Variants in CUX1 observed in about 807,000 individuals in gnomAD.
CUX1 encodes cut like homeobox 1, also known as protein CASP.
In CUX1, 31 loss-of-function variants were observed where a neutral mutation model predicts 158.8. That is an observed-to-expected ratio of 0.20 (90% CI 0.15 to 0.26). The LOEUF is 0.26. Among genes scored for constraint, CUX1 ranks in the 10% least tolerant of loss-of-function variants. CUX1 has a pLI of 1.00. For synonymous variants in CUX1, 879 were observed against 862.1 expected, an observed-to-expected ratio of 1.02 and a Z score of -0.34; for missense variants, 1,589 against 2,014.6, an observed-to-expected ratio of 0.79 and a Z score of 4.04.
chr7:101,840,665 A>G (rs1278794989), intron 1 of CUX1, among the ~76,000 whole-genome samples: 1 of 152,070 alleles, frequency 6.6e-6, no homozygotes, highest in Non-Finnish European at 1.5e-5. Context: ...ATTGGCCTAT[A>G]ATTTTCTTAT....
intron 3 of CUX1, among the ~76,000 whole-genome samples, chr7:102,050,736 T>A (rs937652747): frequency 6.6e-6 from 1 of 151,712 alleles, no homozygotes; most frequent in Non-Finnish European, 1.5e-5. Flanking sequence ...GGGCTCTCGC[T>A]CTGCTGCCCA....
At position 102,248,453 on chromosome 7, in the gene CUX1, C is replaced by T. The variant is rs1554537757; in HGVS notation, c.3929C>T (p.Ala1310Val). The T allele has an allele frequency of 6.3e-7, 1 of 1,599,336 alleles. No individual in the cohort carries two copies. The highest frequency in any genetic ancestry group is 1.7e-5 in the Admixed American group (1 of 59,414). ...RRELFIEEIQ[A>V]GSQGQAGASD... Reference sequence around the variant, plus strand: ...GAACTGTTCATTGAGGAAATTCAGGCCGGGAGTCAGGGCCAGGCGGGCGCC... The same window carrying T: ...GAACTGTTCATTGAGGAAATTCAGGTCGGGAGTCAGGGCCAGGCGGGCGCC... The change falls in exon 24 of 24, where the codon GCC becomes GTC. Residue 1310 changes from alanine (A) to valine (V), a missense_variant. By Grantham distance (64) the Ala-to-Val change is moderately conservative. This residue lies in a region of CUX1 where 344 missense variants were observed against 323.7 expected (regional missense o/e 1.06). Transcript: ENST00000292535. The surrounding 1 kb of genome is among the most constrained non-coding windows in gnomAD (Gnocchi z 5.8).
At chr7:102,178,957 C>G (rs1027647639) in intron 11 of CUX1, among the ~76,000 whole-genome samples, 7 of 152,216 alleles carry the variant, frequency 4.6e-5, no homozygotes, top group Non-Finnish European at 8.8e-5. Flanking sequence ...CTCCGCCTCC[C>G]AGGTTCAAGT....
chr7:101,825,353 A>C (rs1490794726), intron 1 of CUX1, among the ~76,000 whole-genome samples: 1 of 152,234 alleles, frequency 6.6e-6, no homozygotes, highest in Non-Finnish European at 1.5e-5. Flanking sequence ...ACAGTAACGC[A>C]TGCTGTCTCG....
chr7:102,173,233 G>A (rs947935459), intron 10 of CUX1, among the ~76,000 whole-genome samples: 4 of 152,244 alleles, frequency 2.6e-5, no homozygotes, highest in East Asian at 3.9e-4. Flanking sequence ...GATGGTGGGC[G>A]CCTATAATCC....
At chr7:102,095,218 C>G (rs1829053350) in intron 4 of CUX1, among the ~76,000 whole-genome samples, 1 of 152,080 alleles carries the variant, frequency 6.6e-6, no homozygotes, top group Admixed American at 6.6e-5. Flanking sequence ...CCATGTTGCC[C>G]AGGCTGGTCT....
intron 8 of CUX1, among the ~76,000 whole-genome samples, chr7:102,116,657 A>G (rs565673841): frequency 1.3e-5 from 2 of 152,082 alleles, no homozygotes; most frequent in Non-Finnish European, 2.9e-5. Context: ...AAAAATTTTT[A>G]AAATATTGTT....
intron 16 of CUX1, among the ~76,000 whole-genome samples, 193 bp from the exon 17 acceptor site, chr7:102,199,878 G>A (rs1586176729): frequency 6.6e-6 from 1 of 152,240 alleles, no homozygotes; most frequent in African/African-American, 2.4e-5. Flanking sequence ...GGTCAAATGA[G>A]CAGGAAATCC....
At chr7:102,205,050 A>G in intron 19 of CUX1, 64 bp from the exon 20 acceptor site, 1 of 1,181,350 alleles carries the variant, frequency 8.5e-7, no homozygotes, top group African/African-American at 1.5e-5. Flanking sequence ...TGCCACATTC[A>G]GTTAGGAAGC....
At chr7:102,113,191 A>G (rs1202958772) in intron 7 of CUX1, among the ~76,000 whole-genome samples, 3 of 152,210 alleles carry the variant, frequency 2.0e-5, no homozygotes, top group African/African-American at 7.2e-5. Flanking sequence ...TGCAGATTCA[A>G]TTAGTGAAAG....
At chr7:101,884,614 G>T (rs760643083) in intron 1 of CUX1, among the ~76,000 whole-genome samples, 1 of 152,156 alleles carries the variant, frequency 6.6e-6, no homozygotes, top group Non-Finnish European at 1.5e-5. Flanking sequence ...TAGCGAATAG[G>T]CAGTGATCCC....
chr7:101,940,670 A>G (rs537291325), intron 2 of CUX1, among the ~76,000 whole-genome samples: 2 of 152,094 alleles, frequency 1.3e-5, no homozygotes, highest in East Asian at 3.9e-4. Context: ...TTCTTATTAG[A>G]TTGTAAGCTC....
rs566716533 is a variant in CUX1 at position 101,952,178 on chromosome 7, T to A, written c.141+35953T>A. Among the ~76,000 whole-genome samples, 11 of 151,522 alleles carry A rather than the reference T, an allele frequency of 7.3e-5. No homozygotes were observed. The South Asian group carries it at 2.1e-3, about 29-fold the overall frequency. The stretch of plus-strand genomic sequence containing the variant: ...CAAGGTGGAAGGATTGTTTGAGGAG[T>A]TCAAGACCAGCCTGGGCAACATAGC... On this transcript the variant is annotated intron_variant, in intron 2 of 23. Transcript: ENST00000292535.
In CUX1 at chr7:102,201,405, A is replaced by G; in HGVS notation, c.2108A>G (p.Asp703Gly). The G allele has an allele frequency of 2.5e-6, 4 of 1,613,960 alleles. No individual in the cohort carries two copies. Among genetic ancestry groups the G allele is most frequent in the Non-Finnish European group, 3.4e-6 (4 of 1,180,012 alleles). Residue 703 changes from aspartate to glycine, a missense_variant, in exon 18 of 24, where the codon GAT (aspartate) becomes GGT (glycine). By Grantham distance (94) the Asp-to-Gly change is moderately conservative. Coordinates refer to ENST00000292535, the MANE Select transcript of CUX1 (RefSeq NM_181552.4). The surrounding 1 kb of genome is among the most constrained non-coding windows in gnomAD (Gnocchi z 5.0). ...PSSASGSGNS[D>G]DAIRSILQQA... ...TCCGCATCCGGCAGCGGGAACTCTG[A>G]TGACGCCATCCGCTCCATCCTGCAG...
intron 20 of CUX1, among the ~76,000 whole-genome samples, chr7:102,211,969 C>T (rs1397043920): frequency 6.6e-6 from 1 of 151,970 alleles, no homozygotes; most frequent in Non-Finnish European, 1.5e-5. Context: ...AGGGCACATG[C>T]GCTTCTCAAA....
intron 2 of CUX1, among the ~76,000 whole-genome samples, chr7:102,019,091 C>A (rs1327727680): frequency 1.3e-5 from 2 of 152,170 alleles, no homozygotes; most frequent in East Asian, 1.9e-4. Context: ...CTGTGCAGTT[C>A]GAATCTGCCC....
chr7:102,073,165 CT>C (rs869202667), intron 4 of CUX1, among the ~76,000 whole-genome samples: 21 of 66,882 alleles, frequency 3.1e-4, no homozygotes, highest in South Asian at 6.8e-4. Context: ...TCTTTTCTTT[CT>C]TTTTTTTTTT....
rs944013415 is a variant in CUX1 at position 102,081,379 on chromosome 7, G to A, written c.268+10962G>A. The stretch of plus-strand genomic sequence containing the variant: ...CCTCAAATTGTAATCTCCACATGTC[G>A]AGGGAGGTGATTGGATCATGGGGGC... On this transcript the variant is annotated intron_variant, in intron 4 of 23. Coordinates refer to ENST00000292535, the MANE Select transcript of CUX1 (RefSeq NM_181552.4). 3.0e-4 allele frequency among the ~76,000 whole-genome samples: 40 copies of A among 134,498 alleles called. 3 individuals carry two copies. Among genetic ancestry groups the A allele is most frequent in the African/African-American group, 5.7e-4 (23 of 40,010 alleles). 88.2% of individuals were successfully genotyped at this position (134,498 alleles called of 152,430 possible).
At chr7:102,166,840 C>T (rs934879767) in intron 9 of CUX1, among the ~76,000 whole-genome samples, 1 of 152,018 alleles carries the variant, frequency 6.6e-6, no homozygotes, top group African/African-American at 2.4e-5. Flanking sequence ...ACTATGTGAT[C>T]AGAAAGTTGC....
Sources: gnomAD v4.1 joint callset for allele counts (sites outside exome capture counted in the v4.1 genomes callset) on GRCh38, gnomAD v4.1.1 for gene constraint, gnomAD v4.1.1 regional missense constraint, Gnocchi (gnomAD v3.1) non-coding constraint, MANE v1.5 for transcripts, NCBI Gene and HGNC (gene_info 2026-07-23, HGNC 2026-07-21) for gene names.